Variants in CADM1 observed in about 807,000 individuals in gnomAD.
The protein encoded by CADM1 is cell adhesion molecule 1.
A neutral mutation model predicts 53.1 loss-of-function variants in CADM1; 15 were observed. The ratio of observed to expected loss-of-function variants is 0.28; its 90% CI spans 0.19 to 0.44. The LOEUF (loss-of-function observed/expected upper bound fraction) is 0.44. Among genes scored for constraint, CADM1 ranks in the 20% least tolerant of loss-of-function variants. The pLI is 1.00. For missense variants in CADM1, 434 were observed against 611.3 expected, an observed-to-expected ratio of 0.71 and a Z score of 3.06; for synonymous variants, 281 against 243.0, an observed-to-expected ratio of 1.16 and a Z score of -1.45.
chr11:115,428,005 CAAAAAAAAAAAAAA>C (rs66872817), intron 1 of CADM1, among the ~76,000 whole-genome samples: 19 of 54,054 alleles, frequency 3.5e-4, no homozygotes, highest in Middle Eastern at 0.021. Context: ...GACTCCATCT[CAAAAAAAAAAAAAA>C]AAAAAAAAAA....
At chr11:115,475,036 T>C (rs1335355428) in intron 1 of CADM1, among the ~76,000 whole-genome samples, 1 of 152,134 alleles carries the variant, frequency 6.6e-6, no homozygotes, top group Non-Finnish European at 1.5e-5. Flanking sequence ...TAAACATGTA[T>C]AGTTGTCCCT....
At chr11:115,338,209 C>T (rs924691042) in intron 1 of CADM1, among the ~76,000 whole-genome samples, 5 of 152,076 alleles carry the variant, frequency 3.3e-5, no homozygotes, top group African/African-American at 4.8e-5. Context: ...CTAAGTACTT[C>T]GCATATGTTA....
In CADM1 at chr11:115,175,274, A is replaced by G; in HGVS notation, c.*1200T>C. The G allele has an allele frequency of 1.0e-6, 1 of 985,534 alleles. No homozygotes were observed. The highest frequency in any genetic ancestry group is 1.1e-4 in the East Asian group (1 of 8,748). 61.0% of individuals were successfully genotyped at this position (985,534 alleles called of 1,614,324 possible). On this transcript the variant is annotated 3_prime_UTR_variant, in exon 12 of 12. Coordinates refer to ENST00000331581, the MANE Select transcript of CADM1 (RefSeq NM_001301043.2). ...GTCAAGCCAAATCTGAAGGAATGAA[A>G]GTTTCACACAGATTCGAGTTGGAAA...
At chr11:115,446,424 C>G (rs181635978) in intron 1 of CADM1, among the ~76,000 whole-genome samples, 122 of 152,264 alleles carry the variant, frequency 8.0e-4, no homozygotes, top group Non-Finnish European at 1.4e-3. Context: ...TTGCCAGGGA[C>G]AGGATCAGCA....
intron 1 of CADM1, among the ~76,000 whole-genome samples, chr11:115,461,408 G>T (rs577881777): frequency 3.9e-5 from 6 of 152,114 alleles, no homozygotes; most frequent in Non-Finnish European, 7.4e-5. Context: ...GTGGAGAATC[G>T]CAAGTTAGGA....
At chr11:115,313,345 T>C (rs1944579708) in intron 1 of CADM1, among the ~76,000 whole-genome samples, 1 of 152,158 alleles carries the variant, frequency 6.6e-6, no homozygotes, top group South Asian at 2.1e-4. Flanking sequence ...AATGTTAATT[T>C]ATCACTTCAA....
At position 115,217,877 on chromosome 11, in the gene CADM1, G is replaced by A; in HGVS notation, c.821+15C>T. ...TGCGCATGACCCTCTGCCAACTTTG[G>A]CCTTCAGAACTTACTGGGGCTTCCC... is the stretch of plus-strand genomic sequence containing the variant. On this transcript the variant is annotated intron_variant, in intron 6 of 11. Transcript: ENST00000331581. The A allele has an allele frequency of 6.3e-7, 1 of 1,580,178 alleles. No individual in the cohort carries two copies. Among genetic ancestry groups the A allele is most frequent in the Non-Finnish European group, 8.7e-7 (1 of 1,149,196 alleles).
chr11:115,245,416 G>T (rs75754959), intron 1 of CADM1, among the ~76,000 whole-genome samples: 3,537 of 152,210 alleles, frequency 0.023, 150 homozygotes, highest in African/African-American at 0.081. Flanking sequence ...TACCCTCCTA[G>T]GTTGGAAATT....
At chr11:115,334,737 C>T in intron 1 of CADM1, among the ~76,000 whole-genome samples, 1 of 152,070 alleles carries the variant, frequency 6.6e-6, no homozygotes, top group African/African-American at 2.4e-5. Flanking sequence ...TCACCACAAA[C>T]ATTTATCAGT....
At chr11:115,338,887 T>A (rs2135238414) in intron 1 of CADM1, among the ~76,000 whole-genome samples, 1 of 127,590 alleles carries the variant, frequency 7.8e-6, no homozygotes, top group Non-Finnish European at 1.8e-5. Flanking sequence ...ATTTTTTTTT[T>A]TTTAATTTTT....
chr11:115,498,997 C>T (rs1949678294), intron 1 of CADM1, among the ~76,000 whole-genome samples: 1 of 151,614 alleles, frequency 6.6e-6, no homozygotes, highest in African/African-American at 2.4e-5. Flanking sequence ...ATTCTTCCCA[C>T]TTTGTATACA....
intron 9 of CADM1, among the ~76,000 whole-genome samples, chr11:115,197,520 T>A (rs1940216985): frequency 1.3e-5 from 2 of 152,204 alleles, no homozygotes; most frequent in Admixed American, 6.5e-5. Context: ...AGATGAAACA[T>A]GATTCTCATT....
intron 1 of CADM1, among the ~76,000 whole-genome samples, chr11:115,448,660 GTA>G (rs1948505136): frequency 7.1e-6 from 1 of 141,134 alleles, no homozygotes; most frequent in Admixed American, 7.1e-5. Flanking sequence ...GTGTTGGGGG[GTA>G]GGAGGGGGTG....
intron 1 of CADM1, among the ~76,000 whole-genome samples, chr11:115,488,332 C>T (rs1949421748): frequency 1.3e-5 from 2 of 152,150 alleles, no homozygotes; most frequent in Non-Finnish European, 2.9e-5. Context: ...ATGAAGGGAA[C>T]ACTTTAGAAC....
chr11:115,244,865 A>G (rs1324708351), intron 1 of CADM1, among the ~76,000 whole-genome samples: 1 of 152,248 alleles, frequency 6.6e-6, no homozygotes, highest in Non-Finnish European at 1.5e-5. Context: ...GACCTTGTTT[A>G]CTACTGCTTC....
intron 1 of CADM1, among the ~76,000 whole-genome samples, chr11:115,264,212 T>C (rs1393186011): frequency 6.6e-6 from 1 of 152,192 alleles, no homozygotes; most frequent in East Asian, 1.9e-4. Context: ...TCACAGAAGA[T>C]CTAAAGGAGG....
In CADM1 at chr11:115,407,873, TA is replaced by T. The variant is rs148209064; in HGVS notation, c.124+96397del. Among the ~76,000 whole-genome samples the T allele has an allele frequency of 6.4e-3, 202 of 31,732 alleles. 1 individual carries two copies. The highest frequency in any genetic ancestry group is 0.014 in the Admixed American group (20 of 1,414). 20.8% of individuals were successfully genotyped at this position (31,732 alleles called of 152,430 possible). A position where few individuals can be genotyped will look rare whatever the true frequency, so the allele number is the denominator to read the frequency against. On this transcript the variant is annotated intron_variant, in intron 1 of 11. Transcript: ENST00000331581. Reference sequence around the variant, plus strand: ...AGAAGGAAAGTAAGACCCTGTCATTTAAAAAAAAAAAAAAAAAAAAAAAAAA... The same window carrying T: ...AGAAGGAAAGTAAGACCCTGTCATTTAAAAAAAAAAAAAAAAAAAAAAAAA...
At chr11:115,457,558 T>C (rs1948706761) in intron 1 of CADM1, among the ~76,000 whole-genome samples, 3 of 152,170 alleles carry the variant, frequency 2.0e-5, no homozygotes, top group Admixed American at 1.3e-4. Context: ...ACCTTTTGTC[T>C]TGCCAGCAAA....
At chr11:115,284,106 C>CTCTCTCTCTCTCTCTCTCTT (rs1555055877) in intron 1 of CADM1, among the ~76,000 whole-genome samples, 6 of 134,200 alleles carry the variant, frequency 4.5e-5, no homozygotes, top group Non-Finnish European at 9.3e-5. Context: ...CTCTCTCTCT[C>CTCTCTCTCTCTCTCTCTCTT]TCTCTCTCTG....
Sources: gnomAD v4.1 joint callset for allele counts (sites outside exome capture counted in the v4.1 genomes callset) on GRCh38, gnomAD v4.1.1 for gene constraint, MANE v1.5 for transcripts, NCBI Gene and HGNC (gene_info 2026-07-23, HGNC 2026-07-21) for gene names.